Variants in POLR1D observed in about 807,000 individuals in gnomAD.
POLR1D encodes the protein DNA-directed RNA polymerases I and III subunit RPAC2.
POLR1D carries 8 observed loss-of-function variants against 10.8 expected under a neutral mutation model. That is an observed-to-expected ratio of 0.74 (90% CI 0.43 to 1.33). POLR1D has a LOEUF of 1.33. Ranked by LOEUF, POLR1D falls within the 40% of genes most tolerant of loss-of-function variation. POLR1D has a pLI of 0.01. For synonymous variants in POLR1D, 54 were observed against 57.2 expected, an observed-to-expected ratio of 0.94 and a Z score of 0.25; for missense variants, 152 against 161.7, an observed-to-expected ratio of 0.94 and a Z score of 0.32.
At chr13:27,641,028 T>G (rs1956168463) in intron 1 of POLR1D, among the ~76,000 whole-genome samples, 1 of 152,240 alleles carries the variant, frequency 6.6e-6, no homozygotes, top group East Asian at 1.9e-4. Context: ...GGTTTTTATT[T>G]GTGTTATTTT....
At chr13:27,622,248 C>T (rs1955946766) in intron 1 of POLR1D, 1 of 591,850 alleles carries the variant, frequency 1.7e-6, no homozygotes. Context: ...TGCCCACCCC[C>T]GTTACAACAG....
At chr13:27,623,462 G>T, downstream of POLR1D, 4 of 1,117,362 alleles carry the variant, frequency 3.6e-6, no homozygotes, top group African/African-American at 1.6e-5. Context: ...AGTTTGACTG[G>T]TTTCTGTTCC....
chr13:27,662,594 T>C (rs879758776), intron 2 of POLR1D, among the ~76,000 whole-genome samples: 6 of 152,194 alleles, frequency 3.9e-5, no homozygotes, highest in Non-Finnish European at 8.8e-5. Flanking sequence ...TTTGTTGCAG[T>C]TTGCTGTATG....
At position 27,622,881 on chromosome 13, in the gene POLR1D, A is replaced by G. The variant is rs1955962901; in HGVS notation, c.33A>G (p.Ile11Met). ...ATAAAAAATATGTGTGTAGAAAAAT[A>G]TCTGGATTGAAGACCTCAATGGCTG... MEEDQELERK[I>M]SGLKTSMAEG... The change falls in exon 2 of 2, where the codon ATA becomes ATG. Residue 11 changes from isoleucine to methionine, a missense_variant. Physicochemically the swap from Ile to Met is conservative, Grantham distance 10. Coordinates refer to ENST00000302979, the MANE Select transcript of POLR1D (RefSeq NM_015972.4). The G allele has an allele frequency of 1.9e-6, 3 of 1,602,842 alleles. No homozygotes were observed. In the South Asian group the frequency reaches 3.3e-5, roughly 18 times the overall value.
At chr13:27,658,309 A>G (rs969606322) in intron 2 of POLR1D, among the ~76,000 whole-genome samples, 1 of 152,178 alleles carries the variant, frequency 6.6e-6, no homozygotes, top group African/African-American at 2.4e-5. Flanking sequence ...GAACAATCCT[A>G]CACCTCGGCC....
At chr13:27,659,906 G>GTA (rs142807905) in intron 2 of POLR1D, among the ~76,000 whole-genome samples, 14,545 of 144,824 alleles carry the variant, frequency 0.1, 757 homozygotes, top group African/African-American at 0.12. Flanking sequence ...TATCTCAGGT[G>GTA]TATATATATA....
intron 2 of POLR1D, among the ~76,000 whole-genome samples, chr13:27,652,384 A>G (rs187798502): frequency 6.6e-6 from 1 of 152,336 alleles, no homozygotes; most frequent in Non-Finnish European, 1.5e-5. Flanking sequence ...TTGTGTGGGC[A>G]TTGATGTACT....
At chr13:27,665,941 C>G (rs867786492) in exon 3 of POLR1D, 2 of 1,614,114 alleles carry the variant, frequency 1.2e-6, no homozygotes, top group Admixed American at 3.3e-5. Flanking sequence ...AAAAGCGGTC[C>G]AACCGGCGGT....
At chr13:27,651,788 A>C (rs763267353) in intron 2 of POLR1D, among the ~76,000 whole-genome samples, 3 of 152,188 alleles carry the variant, frequency 2.0e-5, no homozygotes, top group South Asian at 2.1e-4. Flanking sequence ...CACTATTATA[A>C]GACAATTGAA....
chr13:27,657,337 C>G (rs1021223061), intron 2 of POLR1D, among the ~76,000 whole-genome samples: 1 of 152,042 alleles, frequency 6.6e-6, no homozygotes, highest in East Asian at 1.9e-4. Context: ...CAAGAGCAGC[C>G]TGGGCAACAC....
intron 1 of POLR1D, among the ~76,000 whole-genome samples, chr13:27,635,441 G>A (rs1956113648): frequency 6.6e-6 from 1 of 151,824 alleles, no homozygotes; most frequent in Non-Finnish European, 1.5e-5. Flanking sequence ...CTTACTGGTT[G>A]ACCTCAGACA....
At chr13:27,660,224 C>A (rs1346349728) in intron 2 of POLR1D, among the ~76,000 whole-genome samples, 1 of 152,164 alleles carries the variant, frequency 6.6e-6, no homozygotes, top group Admixed American at 6.5e-5. Context: ...TCAACCACAG[C>A]ATCAAGATAA....
At chr13:27,633,297 T>A (rs1428974860) in intron 1 of POLR1D, among the ~76,000 whole-genome samples, 4 of 152,154 alleles carry the variant, frequency 2.6e-5, no homozygotes, top group Non-Finnish European at 5.9e-5. Context: ...CTGCAACGCA[T>A]CTCACATTAA....
At chr13:27,665,763 A>C (rs1176934287) in exon 3 of POLR1D, 8 of 1,613,800 alleles carry the variant, frequency 5.0e-6, no homozygotes, top group East Asian at 4.5e-5. Context: ...TCTCATAAAG[A>C]GCAAGACCAT....
downstream of POLR1D, among the ~76,000 whole-genome samples, chr13:27,624,157 T>TA (rs1470044349): frequency 1.3e-5 from 2 of 152,202 alleles, no homozygotes; most frequent in African/African-American, 4.8e-5. Flanking sequence ...GGGCCAGTCT[T>TA]ACTCCTGCCG....
chr13:27,653,556 A>G (rs554034463), intron 2 of POLR1D, among the ~76,000 whole-genome samples: 36 of 152,262 alleles, frequency 2.4e-4, no homozygotes, highest in African/African-American at 7.9e-4. Flanking sequence ...GGTTATCTCA[A>G]TTGTCTTGGA....
chr13:27,622,033 C>CGGAGCGGGCCGCGCCCAAGG (rs762755049), intron 1 of POLR1D, 24 bp downstream of exon 1: 4 of 1,566,964 alleles, frequency 2.6e-6, no homozygotes, highest in East Asian at 2.3e-5. Context: ...AGGAGGCGGG[C>CGGAGCGGGCCGCGCCCAAGG]GGAGCGGGCC....
intron 2 of POLR1D, among the ~76,000 whole-genome samples, chr13:27,649,545 A>G (rs1956248770): frequency 1.3e-5 from 2 of 152,352 alleles, no homozygotes; most frequent in East Asian, 1.9e-4. Context: ...AAAACAAGCA[A>G]TACTTTCTAT....
Position 27,623,041 on chromosome 13 carries a change from G to A in POLR1D, c.193G>A (p.Val65Met), listed in dbSNP as rs773864548. 9 of 1,614,104 alleles carry A rather than the reference G, an allele frequency of 5.6e-6. No homozygotes were observed. In the South Asian group the frequency reaches 8.8e-5, roughly 16 times the overall value. Residue 65 changes from valine to methionine, a missense_variant, in exon 2 of 2, where the codon GTG (valine) becomes ATG (methionine). Transcript: ENST00000302979. Reference sequence around the variant, plus strand: ...TTACATGATCATGAAGAACCCGGAAGTGGAATTTTGTGGTTACACTACGAC... The same window carrying A: ...TTACATGATCATGAAGAACCCGGAAATGGAATTTTGTGGTTACACTACGAC... ...LRYMIMKNPE[V>M]EFCGYTTTHP... is the part of the protein sequence containing the mutation.
Sources: allele counts gnomAD v4.1 joint callset (sites outside exome capture counted in the v4.1 genomes callset), GRCh38; gene constraint gnomAD v4.1.1; transcripts MANE v1.5; gene names NCBI Gene and HGNC (gene_info 2026-07-23, HGNC 2026-07-21).